IRAK1BP1: variants seen among roughly 807,000 people sequenced by gnomAD.
The protein encoded by IRAK1BP1 is interleukin 1 receptor associated kinase 1 binding protein 1.
IRAK1BP1 carries 24 observed loss-of-function variants against 28.0 expected under a neutral mutation model. The ratio of observed to expected loss-of-function variants is 0.86; its 90% confidence interval spans 0.62 to 1.20. IRAK1BP1 has a LOEUF of 1.20. Among genes scored for constraint, IRAK1BP1 ranks in the 50% most tolerant of loss-of-function variants. IRAK1BP1 has a pLI of 0.00. For missense variants in IRAK1BP1, 336 were observed against 316.7 expected (o/e 1.06, Z -0.46); for synonymous variants, 131 against 116.3 (o/e 1.13, Z -0.81).
At chr6:78,938,712 A>G (rs1773362071) in intron 4 of IRAK1BP1, 1 of 151,716 alleles carries the variant, frequency 6.6e-6, no homozygotes, top group African/African-American at 2.4e-5. Flanking sequence ...TAAATATACA[A>G]AAAACCTGAA....
chr6:78,927,610 G>C lies in IRAK1BP1; in HGVS notation c.*68-17798G>C, dbSNP rs187670192. On this transcript the variant is annotated intron_variant and NMD_transcript_variant, in intron 4 of 4. Transcript: ENST00000606868. ...GTGTTACTCAAGAAATTTTTGTTCAGAACAATGTCCTGGAAAGTTTCCCTC... is the reference window on the plus strand; with the variant it reads ...GTGTTACTCAAGAAATTTTTGTTCACAACAATGTCCTGGAAAGTTTCCCTC... Among the ~76,000 whole-genome samples the C allele has an allele frequency of 3.9e-5, 6 of 152,116 alleles. No individual in the cohort carries two copies. In the East Asian group the frequency reaches 1.2e-3, roughly 29 times the overall value.
At chr6:78,888,151 A>G (rs912667851) in intron 2 of IRAK1BP1, among the ~76,000 whole-genome samples, 60 of 152,356 alleles carry the variant, frequency 3.9e-4, no homozygotes, top group African/African-American at 1.4e-3. Flanking sequence ...TAAAATAATC[A>G]TATCATAGAA....
chr6:78,942,179 T>C (rs958266289), intron 4 of IRAK1BP1, among the ~76,000 whole-genome samples: 1 of 152,162 alleles, frequency 6.6e-6, no homozygotes, highest in Non-Finnish European at 1.5e-5. Context: ...AACTGTACTT[T>C]GTAAATAAGA....
At chr6:78,887,285 G>A (rs1020309591) in intron 2 of IRAK1BP1, among the ~76,000 whole-genome samples, 3 of 152,146 alleles carry the variant, frequency 2.0e-5, no homozygotes, top group Non-Finnish European at 4.4e-5. Context: ...AGAAAAAGGT[G>A]TTCAGCATCA....
At chr6:78,869,244 G>A (rs1020781904) in intron 1 of IRAK1BP1, among the ~76,000 whole-genome samples, 3 of 152,186 alleles carry the variant, frequency 2.0e-5, no homozygotes, top group Non-Finnish European at 4.4e-5. Context: ...CATAAGCTGG[G>A]CATGGTGGCT....
chr6:78,972,918 G>C, the IRAK1BP1 span, among the ~76,000 whole-genome samples: 6 of 152,318 alleles, frequency 3.9e-5, no homozygotes, highest in Non-Finnish European at 8.8e-5. Flanking sequence ...GTACCTGAAA[G>C]TGATGGGGAG....
chr6:78,927,790 TGTC>T (rs1426967796), intron 4 of IRAK1BP1, among the ~76,000 whole-genome samples: 2 of 152,162 alleles, frequency 1.3e-5, no homozygotes, highest in Non-Finnish European at 2.9e-5. Context: ...CTGAAAAGAC[TGTC>T]TTTTCCCAAC....
At chr6:78,921,468 T>A (rs1562098645) in intron 4 of IRAK1BP1, among the ~76,000 whole-genome samples, 1 of 152,232 alleles carries the variant, frequency 6.6e-6, no homozygotes, top group Admixed American at 6.5e-5. Context: ...CAAGGAGGCC[T>A]GCCTGCCTCT....
chr6:78,890,826 A>G (rs943481571), intron 2 of IRAK1BP1, among the ~76,000 whole-genome samples: 10 of 152,230 alleles, frequency 6.6e-5, no homozygotes, highest in African/African-American at 2.4e-4. Context: ...ACAAGCAGAC[A>G]GGGCTGACCA....
At chr6:78,948,480 C>T (rs1013321561), downstream of IRAK1BP1, among the ~76,000 whole-genome samples, 2 of 151,702 alleles carry the variant, frequency 1.3e-5, no homozygotes, top group Admixed American at 6.6e-5. Flanking sequence ...TTTTTTTTAG[C>T]AGGGACAAAG....
chr6:78,888,299 G>A (rs1381971830), intron 2 of IRAK1BP1, among the ~76,000 whole-genome samples: 1 of 152,140 alleles, frequency 6.6e-6, no homozygotes, highest in Non-Finnish European at 1.5e-5. Context: ...TTAACACAGT[G>A]TTGTGCACTT....
chr6:78,911,642 C>A (rs1772423990), intron 4 of IRAK1BP1, among the ~76,000 whole-genome samples: 1 of 152,184 alleles, frequency 6.6e-6, no homozygotes, highest in Admixed American at 6.5e-5. Flanking sequence ...CTGCATGTTT[C>A]TCTCCAATGT....
chr6:78,888,549 A>C (rs545494482), intron 2 of IRAK1BP1, among the ~76,000 whole-genome samples: 1 of 146,502 alleles, frequency 6.8e-6, no homozygotes, highest in Admixed American at 6.9e-5. Context: ...ATGGAGTCTC[A>C]CTCTGTCACC....
At chr6:78,891,484 GA>G (rs1232598668) in intron 2 of IRAK1BP1, among the ~76,000 whole-genome samples, 1 of 145,798 alleles carries the variant, frequency 6.9e-6, no homozygotes, top group Non-Finnish European at 1.5e-5. Context: ...TTTTTGAGAC[GA>G]AGTCTCACTC....
chr6:78,888,263 T>C (rs1486087689), intron 2 of IRAK1BP1, among the ~76,000 whole-genome samples: 1 of 152,210 alleles, frequency 6.6e-6, no homozygotes, highest in Non-Finnish European at 1.5e-5. Flanking sequence ...ATTCTAGATA[T>C]GGGCTATACA....
intron 4 of IRAK1BP1, among the ~76,000 whole-genome samples, chr6:78,944,806 T>C (rs1773710464): frequency 6.6e-6 from 1 of 152,200 alleles, no homozygotes; most frequent in Non-Finnish European, 1.5e-5. Context: ...ACATGTCACA[T>C]GGCATATTTT....
rs750631720 is a variant in IRAK1BP1 at position 78,897,843 on chromosome 6, T to C, written c.396T>C (p.Phe132=). The part of the protein sequence containing the change: ...YHMEAEVCIT[F]TEFGKMQNIC... ...TTCATTTACAGGTCTGCATTACATT[T>C]ACTGAATTTGGAAAAATGCAAAATA... is the stretch of plus-strand genomic sequence containing the variant. The change falls in exon 3 of 4, where the codon TTT becomes TTC. Residue 132 remains phenylalanine, a synonymous_variant. Transcript: ENST00000369940. 5.0e-6 allele frequency: 8 copies of C among 1,612,896 alleles called. No individual in the cohort carries two copies. Among genetic ancestry groups the C allele is most frequent in the Non-Finnish European group, 6.8e-6 (8 of 1,179,322 alleles).
At chr6:78,918,192 G>A (rs1450150018) in intron 4 of IRAK1BP1, among the ~76,000 whole-genome samples, 1 of 152,020 alleles carries the variant, frequency 6.6e-6, no homozygotes, top group Non-Finnish European at 1.5e-5. Context: ...AGCCACTTGG[G>A]AGGCTGAGGT....
chr6:78,870,392 T>A (rs768001488), intron 1 of IRAK1BP1, among the ~76,000 whole-genome samples: 4 of 152,212 alleles, frequency 2.6e-5, no homozygotes, highest in Non-Finnish European at 5.9e-5. Flanking sequence ...TTAATTTACT[T>A]GTTTCTCCTC....
Sources: gnomAD v4.1 joint callset for allele counts (sites outside exome capture counted in the v4.1 genomes callset) on GRCh38, gnomAD v4.1.1 for gene constraint, MANE v1.5 for transcripts, NCBI Gene and HGNC (gene_info 2026-07-23, HGNC 2026-07-21) for gene names.